RBFOX1: variants seen among roughly 807,000 people sequenced by gnomAD.
RBFOX1 encodes RNA binding protein fox-1 homolog 1.
Under a neutral mutation model 57.7 loss-of-function variants are expected in RBFOX1, and 8 were observed. That is an observed-to-expected ratio of 0.14 (90% CI 0.08 to 0.25). RBFOX1 has a LOEUF of 0.25. Ranked by LOEUF, RBFOX1 falls within the 10% of genes least tolerant of loss-of-function variation. RBFOX1 has a pLI of 1.00. For missense variants in RBFOX1, 611 were observed against 548.5 expected (o/e 1.11, Z -1.14); for synonymous variants, 326 against 222.4 (o/e 1.47, Z -4.15).
At chr16:6,806,824 A>AAG (rs1182864212) in intron 3 of RBFOX1, among the ~76,000 whole-genome samples, 6 of 69,744 alleles carry the variant, frequency 8.6e-5, no homozygotes, top group Non-Finnish European at 1.4e-4. Flanking sequence ...ATAAATATAT[A>AAG]TATATATATA....
chr16:6,458,523 A>G (rs1178509711), intron 2 of RBFOX1, among the ~76,000 whole-genome samples: 1 of 152,252 alleles, frequency 6.6e-6, no homozygotes, highest in Non-Finnish European at 1.5e-5. Context: ...TCACATCTTC[A>G]TCACAGTAAA....
chr16:5,532,364 G>A (rs1043953937), intron 2 of RBFOX1, among the ~76,000 whole-genome samples: 2 of 152,246 alleles, frequency 1.3e-5, no homozygotes, highest in South Asian at 4.1e-4. Flanking sequence ...GGGCTTTTTG[G>A]CTCAATGTGT....
intron 5 of RBFOX1, among the ~76,000 whole-genome samples, chr16:7,534,281 T>C (rs1327856150): frequency 7.3e-5 from 11 of 151,506 alleles, no homozygotes; most frequent in East Asian, 1.9e-4. Context: ...TTAGTAGAGA[T>C]GGGGTTTCAC....
intron 4 of RBFOX1, among the ~76,000 whole-genome samples, chr16:7,351,780 A>G (rs889335705): frequency 2.6e-5 from 4 of 152,102 alleles, no homozygotes; most frequent in African/African-American, 9.7e-5. Flanking sequence ...GCTTTTCCAG[A>G]TTTTAGGAGC....
At chr16:7,455,210 T>TAAA (rs2058257641) in intron 4 of RBFOX1, among the ~76,000 whole-genome samples, 1 of 152,202 alleles carries the variant, frequency 6.6e-6, no homozygotes, top group African/African-American at 2.4e-5. Context: ...TACCAAATGC[T>TAAA]TTGGTTCTAG....
chr16:5,713,283 G>T (rs1411743233), intron 3 of RBFOX1, among the ~76,000 whole-genome samples: 2 of 152,150 alleles, frequency 1.3e-5, no homozygotes, highest in Non-Finnish European at 2.9e-5. Flanking sequence ...GGTAACCTTT[G>T]AGCGATGAGG....
At chr16:5,553,915 T>C (rs895572934) in intron 2 of RBFOX1, among the ~76,000 whole-genome samples, 1 of 152,034 alleles carries the variant, frequency 6.6e-6, no homozygotes, top group Non-Finnish European at 1.5e-5. Context: ...GTCTGGACGA[T>C]TGGCAAACAA....
chr16:7,115,237 T>G (rs918329396), intron 4 of RBFOX1, among the ~76,000 whole-genome samples: 2 of 152,200 alleles, frequency 1.3e-5, no homozygotes, highest in Non-Finnish European at 2.9e-5. Context: ...GACATTCCCA[T>G]GTCAATGAAT....
chr16:7,398,516 AAACAG>A (rs1450823207), intron 4 of RBFOX1, among the ~76,000 whole-genome samples: 6 of 152,250 alleles, frequency 3.9e-5, no homozygotes, highest in Admixed American at 3.9e-4. Flanking sequence ...AGAACCCAGA[AAACAG>A]AACAGATCTT....
At chr16:5,411,737 A>C (rs563018709) in intron 1 of RBFOX1, among the ~76,000 whole-genome samples, 22 of 147,212 alleles carry the variant, frequency 1.5e-4, no homozygotes, top group Admixed American at 1.4e-3. Context: ...CCATCTGTAC[A>C]AAAAAAAAAT....
intron 3 of RBFOX1, among the ~76,000 whole-genome samples, chr16:5,745,151 C>G (rs540589923): frequency 9.2e-5 from 14 of 152,100 alleles, no homozygotes; most frequent in Non-Finnish European, 1.9e-4. Flanking sequence ...TCCAAGTGTT[C>G]TCATTGTTCA....
At chr16:6,287,521 A>G (rs527488012) in intron 1 of RBFOX1, among the ~76,000 whole-genome samples, 2 of 152,320 alleles carry the variant, frequency 1.3e-5, no homozygotes, top group African/African-American at 4.8e-5. Context: ...TCACAGGTTC[A>G]TGAGGCTCAT....
chr16:5,519,614 A>G lies in RBFOX1; in HGVS notation c.258+52360A>G, dbSNP rs555823573. Among the ~76,000 whole-genome samples the G allele has an allele frequency of 1.1e-4, 16 of 152,294 alleles. No individual in the cohort carries two copies. In the East Asian group the frequency reaches 3.1e-3, roughly 29 times the overall value. On this transcript the variant is annotated intron_variant, in intron 2 of 2. Coordinates refer to the RBFOX1 transcript ENST00000585867. ...GTGGTGTATACCTGTGGTTTCAGCT[A>G]CACTGGAGGCTGAGGCAAGAAGATT...
At chr16:5,651,141 C>T (rs1385995620) in intron 3 of RBFOX1, among the ~76,000 whole-genome samples, 1 of 142,642 alleles carries the variant, frequency 7.0e-6, no homozygotes, top group African/African-American at 2.6e-5. Flanking sequence ...CAACCTCTGC[C>T]TCCTGGGTTC....
chr16:6,740,090 C>T (rs868215889), intron 3 of RBFOX1, among the ~76,000 whole-genome samples: 38 of 152,114 alleles, frequency 2.5e-4, no homozygotes, highest in Middle Eastern at 6.8e-3. Context: ...AGGAATAGTC[C>T]AGTAATACAA....
chr16:5,856,284 TACACACACAC>T (rs57736862), intron 3 of RBFOX1, among the ~76,000 whole-genome samples: 73 of 86,302 alleles, frequency 8.5e-4, no homozygotes, highest in South Asian at 4.1e-3. Context: ...CACATATATA[TACACACACAC>T]ACACACACAC....
upstream of RBFOX1, among the ~76,000 whole-genome samples, chr16:6,015,318 C>G (rs561793502): frequency 7.2e-5 from 11 of 152,128 alleles, no homozygotes; most frequent in Non-Finnish European, 1.0e-4. Flanking sequence ...CACTGACCTT[C>G]TGGAAAAGTT....
intron 1 of RBFOX1, among the ~76,000 whole-genome samples, chr16:5,426,324 A>G (rs1486791766): frequency 6.6e-6 from 1 of 152,154 alleles, no homozygotes; most frequent in Non-Finnish European, 1.5e-5. Context: ...GTCTGTAAGC[A>G]GGAGGGTTGC....
chr16:5,301,697 T>C (rs1279460453), intron 1 of RBFOX1, among the ~76,000 whole-genome samples: 1 of 151,410 alleles, frequency 6.6e-6, no homozygotes, highest in East Asian at 1.9e-4. Context: ...TAGCAAATCC[T>C]TGAGATAACT....
Sources: allele counts gnomAD v4.1 joint callset (sites outside exome capture counted in the v4.1 genomes callset), GRCh38; gene constraint gnomAD v4.1.1; transcripts MANE v1.5; gene names NCBI Gene and HGNC (gene_info 2026-07-23, HGNC 2026-07-21).